The following GTF2E2 variants were observed in gnomAD, a reference collection of about 807,000 sequenced individuals.
GTF2E2 encodes transcription initiation factor IIE subunit beta.
Under a neutral mutation model 40.5 loss-of-function variants are expected in GTF2E2, and 21 were observed. The observed-to-expected ratio is 0.52, with a 90% CI of 0.37 to 0.75. The LOEUF (loss-of-function observed/expected upper bound fraction) is 0.75, where lower values mean the gene tolerates loss of function less well. Ranked by LOEUF, GTF2E2 falls within the 30% of genes least tolerant of loss-of-function variation. The probability of loss-of-function intolerance (pLI) is 0.00; values close to 1 mark genes in which losing one functional copy is unlikely to be tolerated. For synonymous variants in GTF2E2, 117 were observed against 121.6 expected (o/e 0.96, Z 0.25); for missense variants, 298 against 338.4 (o/e 0.88, Z 0.94).
chr8:30,620,239 AAC>A (rs145330914), intron 3 of GTF2E2, among the ~76,000 whole-genome samples: 10 of 150,418 alleles, frequency 6.6e-5, no homozygotes, highest in Admixed American at 1.3e-4. Context: ...CACACACACA[AAC>A]ACACACACAC....
chr8:30,602,584 T>C (rs1442884063), intron 6 of GTF2E2, among the ~76,000 whole-genome samples: 1 of 151,812 alleles, frequency 6.6e-6, no homozygotes. Flanking sequence ...TGGAGAAACC[T>C]GGTCTCTACT....
intron 6 of GTF2E2, among the ~76,000 whole-genome samples, chr8:30,600,609 TA>T (rs1231089930): frequency 2.0e-5 from 3 of 151,906 alleles, no homozygotes; most frequent in African/African-American, 7.3e-5. Context: ...AAAATAATAA[TA>T]AAAAATAAAT....
chr8:30,620,680 T>C (rs1490678098), intron 3 of GTF2E2, among the ~76,000 whole-genome samples: 1 of 143,994 alleles, frequency 6.9e-6, no homozygotes, highest in African/African-American at 2.7e-5. Flanking sequence ...ATCCCAGCAC[T>C]TGGGGAGGCT....
At chr8:30,641,409 C>T (rs1427595893) in intron 2 of GTF2E2, among the ~76,000 whole-genome samples, 2 of 152,146 alleles carry the variant, frequency 1.3e-5, no homozygotes, top group Non-Finnish European at 2.9e-5. Context: ...ATCACCCAGG[C>T]GGGAGTGCAA....
intron 7 of GTF2E2, 93 bp from the exon 8 acceptor site, chr8:30,579,130 G>A (rs536639690): frequency 2.6e-6 from 2 of 757,058 alleles, no homozygotes; most frequent in African/African-American, 3.4e-5. Context: ...GCCAGTGGCT[G>A]AGGATGCCAG....
chr8:30,609,437 C>G (rs1829421365), intron 5 of GTF2E2, among the ~76,000 whole-genome samples: 1 of 151,760 alleles, frequency 6.6e-6, no homozygotes, highest in African/African-American at 2.4e-5. Flanking sequence ...AGATAAGGGA[C>G]AGTCAAATTG....
Position 30,614,596 on chromosome 8 carries a change from C to A in GTF2E2, c.366+12G>T, listed in dbSNP as rs771996510. The A allele has an allele frequency of 2.2e-6, 3 of 1,365,956 alleles. No homozygotes were observed. In the African/African-American group the frequency reaches 4.3e-5, roughly 20 times the overall value. The allele number at this position is 1,365,956 out of a possible 1,614,324, so 84.6% of individuals were successfully genotyped here. A position where few individuals can be genotyped will look rare whatever the true frequency, so the allele number is the denominator to read the frequency against. On this transcript the variant is annotated intron_variant, in intron 4 of 7. Coordinates refer to ENST00000355904, the MANE Select transcript of GTF2E2 (RefSeq NM_002095.6). Reference sequence around the variant, plus strand: ...ACAGGAAATCTCTCTTGATAATCAACTAAATTCTTACCTCAGTCATTAGCC... The same window carrying A: ...ACAGGAAATCTCTCTTGATAATCAAATAAATTCTTACCTCAGTCATTAGCC...
chr8:30,603,113 T>C (rs910152476), intron 6 of GTF2E2, among the ~76,000 whole-genome samples: 3 of 152,230 alleles, frequency 2.0e-5, no homozygotes, highest in Non-Finnish European at 4.4e-5. Context: ...GACTGGTCTA[T>C]CTTACCTCTA....
chr8:30,634,500 G>A (rs771630655), intron 3 of GTF2E2, among the ~76,000 whole-genome samples: 1 of 152,030 alleles, frequency 6.6e-6, no homozygotes, highest in African/African-American at 2.4e-5. Flanking sequence ...AATCTTATAT[G>A]ATCAAAACTT....
chr8:30,586,223 T>C (rs1215985758), intron 6 of GTF2E2, among the ~76,000 whole-genome samples: 1 of 152,166 alleles, frequency 6.6e-6, no homozygotes, highest in African/African-American at 2.4e-5. Flanking sequence ...TTCCAGAAAA[T>C]AGGACATTTC....
At chr8:30,616,210 A>C (rs1264889969) in intron 3 of GTF2E2, among the ~76,000 whole-genome samples, 1 of 152,076 alleles carries the variant, frequency 6.6e-6, no homozygotes, top group Non-Finnish European at 1.5e-5. Flanking sequence ...GGGAAAACGA[A>C]GCAGGCCACA....
At chr8:30,652,931 T>C (rs1436583474) in intron 2 of GTF2E2, among the ~76,000 whole-genome samples, 1 of 152,018 alleles carries the variant, frequency 6.6e-6, no homozygotes, top group African/African-American at 2.4e-5. Context: ...AACTCAAAAA[T>C]ATGCCAAGTG....
intron 2 of GTF2E2, among the ~76,000 whole-genome samples, chr8:30,641,477 C>G (rs1801828119): frequency 6.6e-6 from 1 of 152,214 alleles, no homozygotes; most frequent in African/African-American, 2.4e-5. Context: ...ATCCCCCCAC[C>G]TGAGCCTCCC....
At chr8:30,603,901 C>T (rs1829250247) in intron 6 of GTF2E2, among the ~76,000 whole-genome samples, 1 of 152,018 alleles carries the variant, frequency 6.6e-6, no homozygotes, top group Non-Finnish European at 1.5e-5. Flanking sequence ...GGGCCACGCT[C>T]TGAAAAACCG....
At chr8:30,620,794 T>C (rs1042147052) in intron 3 of GTF2E2, among the ~76,000 whole-genome samples, 2 of 150,888 alleles carry the variant, frequency 1.3e-5, no homozygotes, top group Non-Finnish European at 2.9e-5. Flanking sequence ...CCAGGCATGG[T>C]GGCACATGCC....
intron 3 of GTF2E2, among the ~76,000 whole-genome samples, chr8:30,627,788 C>CA (rs1461693703): frequency 2.0e-5 from 3 of 152,210 alleles, no homozygotes; most frequent in Non-Finnish European, 4.4e-5. Flanking sequence ...GAGGTATTCT[C>CA]AACAGAACAC....
Position 30,653,566 on chromosome 8 carries a change from C to A in GTF2E2, c.33G>T (p.Leu11=), listed in dbSNP as rs751158305. The A allele has an allele frequency of 6.2e-7, 1 of 1,613,124 alleles. No individual in the cohort carries two copies. Among genetic ancestry groups the A allele is most frequent in the Non-Finnish European group, 8.5e-7 (1 of 1,179,390 alleles). The change falls in exon 2 of 8, where the codon CTG becomes CTT. Residue 11 remains leucine, a synonymous_variant. Transcript: ENST00000355904. ...GAGTAGAAAGAGCTCGTTTTTTGAA[C>A]AGCTCCCTTTCTCTCAACAGGCTTG... The part of the protein sequence containing the change: MDPSLLRERE[L]FKKRALSTPV...
chr8:30,602,586 G>T (rs1259791167), intron 6 of GTF2E2, among the ~76,000 whole-genome samples: 1 of 151,872 alleles, frequency 6.6e-6, no homozygotes, highest in African/African-American at 2.4e-5. Flanking sequence ...GAGAAACCTG[G>T]TCTCTACTAA....
intron 6 of GTF2E2, among the ~76,000 whole-genome samples, chr8:30,596,684 T>G (rs1271256501): frequency 7.4e-6 from 1 of 135,386 alleles, no homozygotes; most frequent in East Asian, 2.1e-4. Context: ...TTCCTTCTTT[T>G]TATGCCTCAA....
Sources: allele counts gnomAD v4.1 joint callset (sites outside exome capture counted in the v4.1 genomes callset), GRCh38; gene constraint gnomAD v4.1.1; transcripts MANE v1.5; gene names NCBI Gene and HGNC (gene_info 2026-07-23, HGNC 2026-07-21).